GOLGA4: variants seen among roughly 807,000 people sequenced by gnomAD.
The protein encoded by GOLGA4 is golgin A4, also known as golgin subfamily A member 4.
GOLGA4 carries 169 observed loss-of-function variants against 265.9 expected under a neutral mutation model. The ratio of observed to expected loss-of-function variants is 0.64; its 90% CI spans 0.56 to 0.72. The LOEUF (loss-of-function observed/expected upper bound fraction) is 0.72, where lower values mean the gene tolerates loss of function less well. GOLGA4 is among the 30% of genes least tolerant of loss of function. GOLGA4 has a pLI of 0.00. For missense variants in GOLGA4, 2,482 were observed against 2,483.4 expected (o/e 1.00, Z 0.01); for synonymous variants, 923 against 855.8 (o/e 1.08, Z -1.37).
intron 16 of GOLGA4, 74 bp downstream of exon 16, chr3:37,329,167 C>T (rs2096982062): frequency 7.1e-6 from 9 of 1,267,876 alleles, no homozygotes; most frequent in South Asian, 1.6e-5. Context: ...CCAAAGATTT[C>T]CTTTTCAAAT....
chr3:37,261,601 G>A (rs905413468), intron 2 of GOLGA4, among the ~76,000 whole-genome samples: 1 of 152,074 alleles, frequency 6.6e-6, no homozygotes, highest in African/African-American at 2.4e-5. Context: ...TTGTATACAG[G>A]CATTTGGATT....
chr3:37,326,716 T>C lies in GOLGA4; in HGVS notation c.4830T>C (p.His1610=), dbSNP rs763350959. 1 of 1,613,460 alleles carries C rather than the reference T, an allele frequency of 6.2e-7. No homozygotes were observed. The highest frequency in any genetic ancestry group is 8.5e-7 in the Non-Finnish European group (1 of 1,179,650). ...AAACTAAGAAGAAAGAATTAGAACA[T>C]GTGAATTTAAGTGTGAAAAGCAAAG... The part of the protein sequence containing the change: ...ELETKKKELE[H]VNLSVKSKEE... The change falls in exon 14 of 24, where the codon CAT becomes CAC. Residue 1610 remains histidine (H), a synonymous_variant. Transcript: ENST00000361924.
intron 2 of GOLGA4, among the ~76,000 whole-genome samples, chr3:37,280,892 A>G (rs980292398): frequency 1.6e-4 from 24 of 152,228 alleles, no homozygotes; most frequent in Admixed American, 7.2e-4. Flanking sequence ...ACCTTGCCCA[A>G]TATTATTAAA....
intron 17 of GOLGA4, among the ~76,000 whole-genome samples, chr3:37,336,824 A>G (rs1259753783): frequency 6.6e-6 from 1 of 151,904 alleles, no homozygotes; most frequent in Non-Finnish European, 1.5e-5. Context: ...AAGAGAGAGA[A>G]AGAAAACTTA....
chr3:37,308,907 C>T (rs1247559738), intron 10 of GOLGA4, among the ~76,000 whole-genome samples: 2 of 152,090 alleles, frequency 1.3e-5, no homozygotes, highest in African/African-American at 4.8e-5. Flanking sequence ...AGCCACTGCG[C>T]CTGGCTAAAA....
Position 37,243,411 on chromosome 3 carries a change from C to T in GOLGA4, c.-140C>T, listed in dbSNP as rs2096708093. 1.4e-6 allele frequency: 1 copy of T among 718,664 alleles called. No individual in the cohort carries two copies. 44.5% of individuals were successfully genotyped at this position (718,664 alleles called of 1,614,324 possible). A position where few individuals can be genotyped will look rare whatever the true frequency, so the allele number is the denominator to read the frequency against. ...CAGGACGAGTGTCCGGACTTGCCCACAGCCTCAAGGAGGAGACGGCGAGGC... is the reference window on the plus strand; with the variant it reads ...CAGGACGAGTGTCCGGACTTGCCCATAGCCTCAAGGAGGAGACGGCGAGGC... On this transcript the variant is annotated 5_prime_UTR_variant, in exon 1 of 24. It introduces an in-frame stop codon into an upstream open reading frame of the 5' UTR. Coordinates refer to ENST00000361924, the MANE Select transcript of GOLGA4 (RefSeq NM_002078.5).
intron 10 of GOLGA4, among the ~76,000 whole-genome samples, chr3:37,306,415 T>G (rs1311812882): frequency 1.3e-5 from 2 of 152,104 alleles, no homozygotes; most frequent in Non-Finnish European, 2.9e-5. Context: ...TGCTGTATTT[T>G]AACTCTCCAG....
intron 2 of GOLGA4, among the ~76,000 whole-genome samples, chr3:37,268,093 ATTTG>A (rs914900001): frequency 6.6e-6 from 1 of 151,784 alleles, no homozygotes; most frequent in African/African-American, 2.4e-5. Flanking sequence ...ATTTATTTAT[ATTTG>A]TTTGAGTGGG....
chr3:37,265,899 C>T (rs1014333077), intron 2 of GOLGA4, among the ~76,000 whole-genome samples: 5 of 151,548 alleles, frequency 3.3e-5, no homozygotes, highest in Admixed American at 6.6e-5. Flanking sequence ...TAGTGATGTG[C>T]GCCTGTAGTC....
intron 2 of GOLGA4, among the ~76,000 whole-genome samples, chr3:37,261,757 C>T (rs1417407734): frequency 1.3e-5 from 2 of 152,140 alleles, no homozygotes; most frequent in African/African-American, 4.8e-5. Context: ...CTGCCTAGAG[C>T]TCTCAGTGGT....
In GOLGA4 at chr3:37,337,813, A is replaced by C. The variant is rs181374474; in HGVS notation, c.6396+79A>C. The stretch of plus-strand genomic sequence containing the variant: ...CTTGGATCTCAGCTACTTTTTAAAT[A>C]GTTGGCTTTGAAATTTTTCAGTCTT... On this transcript the variant is annotated intron_variant, in intron 19 of 23. Coordinates refer to ENST00000361924, the MANE Select transcript of GOLGA4 (RefSeq NM_002078.5). The C allele has an allele frequency of 5.7e-4, 532 of 939,660 alleles. 2 individuals are homozygous for C. The highest frequency in any genetic ancestry group is 8.2e-4 in the Non-Finnish European group (480 of 588,676). The allele number at this position is 939,660 out of a possible 1,614,324, so 58.2% of individuals were successfully genotyped here. A position where few individuals can be genotyped will look rare whatever the true frequency, so the allele number is the denominator to read the frequency against.
chr3:37,255,639 C>T (rs965983339), intron 2 of GOLGA4, among the ~76,000 whole-genome samples: 4 of 152,106 alleles, frequency 2.6e-5, no homozygotes, highest in African/African-American at 9.7e-5. Context: ...CTTAATGAAA[C>T]CATTCTACCA....
rs544531147 is a variant in GOLGA4 at position 37,310,059 on chromosome 3, A to G, written c.1235-5361A>G. Among the ~76,000 whole-genome samples, 13 of 152,336 alleles carry G rather than the reference A, an allele frequency of 8.5e-5. No individual in the cohort carries two copies. In the East Asian group the frequency reaches 1.3e-3, roughly 16 times the overall value. On this transcript the variant is annotated intron_variant, in intron 10 of 23. Transcript: ENST00000361924. ...TTTGTTTGTTTGTTTTTGCTGGGATAAAGACAGGCATTGGCTTACTTACTC... is the reference window on the plus strand; with the variant it reads ...TTTGTTTGTTTGTTTTTGCTGGGATGAAGACAGGCATTGGCTTACTTACTC...
chr3:37,284,936 A>T (rs900125887), intron 3 of GOLGA4, among the ~76,000 whole-genome samples: 1 of 152,012 alleles, frequency 6.6e-6, no homozygotes, highest in Non-Finnish European at 1.5e-5. Context: ...AAGTGCTGGG[A>T]TTACAGGTGT....
intron 2 of GOLGA4, among the ~76,000 whole-genome samples, chr3:37,255,807 T>C (rs112206066): frequency 5.8e-4 from 88 of 151,602 alleles, no homozygotes; most frequent in African/African-American, 2.0e-3. Flanking sequence ...GGTTGAAGCA[T>C]AGTGGCACAA....
intron 6 of GOLGA4, among the ~76,000 whole-genome samples, chr3:37,295,466 G>A (rs147459804): frequency 5.2e-4 from 79 of 152,242 alleles, no homozygotes; most frequent in South Asian, 1.7e-3. Context: ...CGATCCTTCC[G>A]CCTTGGCCTC....
Position 37,258,002 on chromosome 3 carries a change from T to C in GOLGA4, c.162+6518T>C, listed in dbSNP as rs1448697371. Among the ~76,000 whole-genome samples the C allele has an allele frequency of 1.0e-4, 8 of 76,848 alleles. 1 individual carries two copies. Among genetic ancestry groups the C allele is most frequent in the African/African-American group, 2.8e-4 (4 of 14,422 alleles). The allele number at this position is 76,848 out of a possible 152,430, so 50.4% of individuals were successfully genotyped here. A position where few individuals can be genotyped will look rare whatever the true frequency, so the allele number is the denominator to read the frequency against. On this transcript the variant is annotated intron_variant, in intron 2 of 23. Coordinates refer to ENST00000361924, the MANE Select transcript of GOLGA4 (RefSeq NM_002078.5). ...ATATATATGTATGTATATATGTATA[T>C]ATACATACATATATATATGTATGTA...
intron 2 of GOLGA4, among the ~76,000 whole-genome samples, chr3:37,269,038 C>G (rs560914401): frequency 6.6e-6 from 1 of 152,076 alleles, no homozygotes; most frequent in Admixed American, 6.5e-5. Flanking sequence ...CTAAAATTAC[C>G]GTAACCTTGG....
At chr3:37,272,281 TG>T (rs2096800985) in intron 2 of GOLGA4, among the ~76,000 whole-genome samples, 1 of 152,184 alleles carries the variant, frequency 6.6e-6, no homozygotes, top group Admixed American at 6.5e-5. Flanking sequence ...TTGGGCATGG[TG>T]GCTCACACTT....
Sources: allele counts gnomAD v4.1 joint callset (sites outside exome capture counted in the v4.1 genomes callset), GRCh38; gene constraint gnomAD v4.1.1; transcripts MANE v1.5; gene names NCBI Gene and HGNC (gene_info 2026-07-23, HGNC 2026-07-21).